The following HGF variants were observed in gnomAD, a reference collection of about 807,000 sequenced individuals.
HGF encodes fibroblast-derived tumor cytotoxic factor.
HGF carries 39 observed loss-of-function variants against 111.6 expected under a neutral mutation model. That is an observed-to-expected ratio of 0.35 (90% CI 0.27 to 0.46). The LOEUF (loss-of-function observed/expected upper bound fraction) is 0.46, where lower values mean the gene tolerates loss of function less well. Among genes scored for constraint, HGF ranks in the 20% least tolerant of loss-of-function variants. The pLI is 1.00. For synonymous variants in HGF, 285 were observed against 294.8 expected, an observed-to-expected ratio of 0.97 and a Z score of 0.34; for missense variants, 735 against 910.5, an observed-to-expected ratio of 0.81 and a Z score of 2.48.
At chr7:81,713,855 C>CACTA (rs1403255437) in intron 11 of HGF, among the ~76,000 whole-genome samples, 1 of 152,066 alleles carries the variant, frequency 6.6e-6, no homozygotes, top group African/African-American at 2.4e-5. Context: ...ATCTATACCA[C>CACTA]ACTACTTTCA....
chr7:81,708,404 G>GA (rs1404774608), intron 13 of HGF, among the ~76,000 whole-genome samples: 6 of 151,388 alleles, frequency 4.0e-5, no homozygotes, highest in Non-Finnish European at 7.4e-5. Context: ...TCTCTTACTG[G>GA]AAAAAATAAC....
At chr7:81,720,212 T>A (rs1789817378) in intron 10 of HGF, among the ~76,000 whole-genome samples, 1 of 152,322 alleles carries the variant, frequency 6.6e-6, no homozygotes, top group Admixed American at 6.5e-5. Context: ...AAATTTTATG[T>A]ATCAAAGCTA....
chr7:81,765,613 C>T (rs1319445754), intron 1 of HGF, among the ~76,000 whole-genome samples: 3 of 152,126 alleles, frequency 2.0e-5, no homozygotes, highest in South Asian at 2.1e-4. Flanking sequence ...AAGCCAGTAA[C>T]TAATTACTCA....
At position 81,720,619 on chromosome 7, in the gene HGF, T is replaced by G. The variant is rs1198794002; in HGVS notation, c.1271+126A>C. ...ATGATGAGTTGTAAAGAAAAACCAA[T>G]CTAATGCTTTTATTAGCTTACCATG... is the stretch of plus-strand genomic sequence containing the variant. On this transcript the variant is annotated intron_variant, in intron 10 of 17. Transcript: ENST00000222390. The G allele has an allele frequency of 5.9e-6, 4 of 678,330 alleles. No individual in the cohort carries two copies. In the Admixed American group the frequency reaches 9.2e-5, roughly 16 times the overall value. 42.0% of individuals were successfully genotyped at this position (678,330 alleles called of 1,614,324 possible). A position where few individuals can be genotyped will look rare whatever the true frequency, so the allele number is the denominator to read the frequency against.
intron 1 of HGF, among the ~76,000 whole-genome samples, chr7:81,766,959 T>G (rs902490299): frequency 6.6e-6 from 1 of 152,170 alleles, no homozygotes; most frequent in African/African-American, 2.4e-5. Context: ...ATATTCCCCA[T>G]CACATGCCCA....
intron 15 of HGF, 100 bp downstream of exon 15, chr7:81,706,187 T>G (rs1454568436): frequency 1.0e-6 from 1 of 983,544 alleles, no homozygotes; most frequent in Non-Finnish European, 1.6e-6. Flanking sequence ...ATGTTTATAA[T>G]GCATCTGTAT....
intron 1 of HGF, among the ~76,000 whole-genome samples, chr7:81,764,742 GA>G (rs1789275866): frequency 6.6e-6 from 1 of 151,846 alleles, no homozygotes; most frequent in Non-Finnish European, 1.5e-5. Flanking sequence ...GCATGAAGAA[GA>G]AACTGTGATT....
chr7:81,734,110 T>G (rs1435519334), intron 7 of HGF, among the ~76,000 whole-genome samples: 2 of 152,130 alleles, frequency 1.3e-5, no homozygotes, highest in African/African-American at 4.8e-5. Flanking sequence ...CAGCTGAAGT[T>G]GATTGTTTAG....
chr7:81,706,140 C>T (rs984089630), intron 15 of HGF, 147 bp downstream of exon 15: 30 of 729,610 alleles, frequency 4.1e-5, no homozygotes, highest in Middle Eastern at 2.8e-4. Context: ...GAGACCCAAA[C>T]GCACGCATAT....
rs202059613 is a variant in HGF at position 81,727,182 on chromosome 7, A to T, written c.1041-1165T>A. Among the ~76,000 whole-genome samples the T allele has an allele frequency of 1.8e-4, 27 of 148,686 alleles. No individual in the cohort carries two copies. The East Asian group carries it at 2.8e-3, about 15-fold the overall frequency. On this transcript the variant is annotated intron_variant, in intron 8 of 17. Coordinates refer to ENST00000222390, the MANE Select transcript of HGF (RefSeq NM_000601.6). ...CAGCCTCCCGAGTAGCTGGGATTAC[A>T]GGTGCCTGCCACCACGCCCGGCTAA...
chr7:81,762,810 T>C lies in HGF; in HGVS notation c.151A>G (p.Ile51Val). Reference protein sequence around the residue: ...EFKKSAKTTLIKIDPALKIKT... With the variant: ...EFKKSAKTTLVKIDPALKIKT... The stretch of plus-strand genomic sequence containing the variant: ...ATCTTCAGTGCTGGATCTATTTTGA[T>C]TAGGGTAGTCTTTGCTGATTTTTTG... Residue 51 changes from isoleucine to valine, a missense_variant, in exon 2 of 18, where the codon ATC becomes GTC. Transcript: ENST00000222390. 2 of 1,602,074 alleles carry C rather than the reference T, an allele frequency of 1.2e-6. No individual in the cohort carries two copies. The highest frequency in any genetic ancestry group is 1.7e-6 in the Non-Finnish European group (2 of 1,169,176).
rs1348921802 is a variant in HGF, at chr7:81,717,457, C to T, written c.1272-92G>A. 3 of 1,232,554 alleles carry T rather than the reference C, an allele frequency of 2.4e-6. No homozygotes were observed. In the African/African-American group the frequency reaches 4.4e-5, roughly 18 times the overall value. The allele number at this position is 1,232,554 out of a possible 1,614,324, so 76.4% of individuals were successfully genotyped here. A position where few individuals can be genotyped will look rare whatever the true frequency, so the allele number is the denominator to read the frequency against. The stretch of plus-strand genomic sequence containing the variant: ...AAAAAGATATAATCTCAGCACATTA[C>T]TTTCACTGTAGATACAGCATAACCT... On this transcript the variant is annotated intron_variant, in intron 10 of 17. Coordinates refer to ENST00000222390, the MANE Select transcript of HGF (RefSeq NM_000601.6).
At chr7:81,763,939 C>T (rs952655669) in intron 1 of HGF, among the ~76,000 whole-genome samples, 26 of 152,258 alleles carry the variant, frequency 1.7e-4, no homozygotes, top group African/African-American at 6.3e-4. Context: ...TTAAAAACCA[C>T]CACTCTGAAC....
intron 5 of HGF, among the ~76,000 whole-genome samples, chr7:81,749,824 T>C (rs1788418611): frequency 6.6e-6 from 1 of 152,056 alleles, no homozygotes; most frequent in Admixed American, 6.5e-5. Context: ...TAAACAAATT[T>C]CAGGTGATTA....
At chr7:81,736,490 A>G (rs1336314596) in intron 7 of HGF, among the ~76,000 whole-genome samples, 1 of 152,038 alleles carries the variant, frequency 6.6e-6, no homozygotes, top group Non-Finnish European at 1.5e-5. Context: ...TGTTGTTGTT[A>G]ATCTCTTATT....
At chr7:81,730,765 AC>A (rs1447587541) in intron 7 of HGF, among the ~76,000 whole-genome samples, 4 of 152,234 alleles carry the variant, frequency 2.6e-5, no homozygotes, top group African/African-American at 9.6e-5. Context: ...CTTAAAACAT[AC>A]ATGAAAATGT....
intron 7 of HGF, among the ~76,000 whole-genome samples, chr7:81,734,718 G>GT (rs1787769033): frequency 6.6e-6 from 1 of 152,082 alleles, no homozygotes; most frequent in South Asian, 2.1e-4. Context: ...GGTCTGAATG[G>GT]TAACTGGAGA....
At chr7:81,756,495 C>T (rs996619352) in intron 4 of HGF, 18 of 162,520 alleles carry the variant, frequency 1.1e-4, no homozygotes, top group Middle Eastern at 2.9e-3. Flanking sequence ...CTCAGTCTGA[C>T]GAGCCTAAGT....
rs1006554408 is a variant in HGF, at chr7:81,700,349, G to A, written c.*2232C>T. 10 of 151,546 alleles carry A rather than the reference G, an allele frequency of 6.6e-5. No homozygotes were observed. The highest frequency in any genetic ancestry group is 1.9e-4 in the African/African-American group (8 of 41,376). The allele number at this position is 151,546 out of a possible 1,614,324, so 9.4% of individuals were successfully genotyped here. A position where few individuals can be genotyped will look rare whatever the true frequency, so the allele number is the denominator to read the frequency against. On this transcript the variant is annotated 3_prime_UTR_variant, in exon 18 of 18. Coordinates refer to ENST00000222390, the MANE Select transcript of HGF (RefSeq NM_000601.6). ...TCACGAAAGGAGCCTCCCAAAGAGAGAATTACTTTGTACGGTTTGTTTGAT... is the reference window on the plus strand; with the variant it reads ...TCACGAAAGGAGCCTCCCAAAGAGAAAATTACTTTGTACGGTTTGTTTGAT...
Sources: gnomAD v4.1 joint callset for allele counts (sites outside exome capture counted in the v4.1 genomes callset) on GRCh38, gnomAD v4.1.1 for gene constraint, MANE v1.5 for transcripts, NCBI Gene and HGNC (gene_info 2026-07-23, HGNC 2026-07-21) for gene names.